The following NUP50 variants were observed in gnomAD, a reference collection of about 807,000 sequenced individuals.
The protein encoded by NUP50 is nucleoporin 50, also known as nuclear pore complex protein Nup50.
NUP50 carries 14 observed loss-of-function variants against 36.8 expected under a neutral mutation model. The observed-to-expected ratio is 0.38, with a 90% CI of 0.25 to 0.59. The LOEUF is 0.59. Among genes scored for constraint, NUP50 ranks in the 20% least tolerant of loss-of-function variants. The probability of loss-of-function intolerance (pLI) is 0.63; values close to 1 mark genes in which losing one functional copy is unlikely to be tolerated. For missense variants in NUP50, 455 were observed against 564.6 expected, an observed-to-expected ratio of 0.81 and a Z score of 1.97; for synonymous variants, 195 against 210.8, an observed-to-expected ratio of 0.93 and a Z score of 0.65.
At chr22:45,180,833 G>A (rs1381521408) in intron 5 of NUP50, among the ~76,000 whole-genome samples, 1 of 137,088 alleles carries the variant, frequency 7.3e-6, no homozygotes, top group Non-Finnish European at 1.5e-5. Flanking sequence ...CTGACAACTT[G>A]TCCCCTGTTA....
At chr22:45,173,457 G>A (rs1307590595) in intron 3 of NUP50, among the ~76,000 whole-genome samples, 3 of 151,920 alleles carry the variant, frequency 2.0e-5, no homozygotes, top group Admixed American at 6.6e-5. Context: ...AAGATACATG[G>A]GGGGAGGGAC....
intron 7 of NUP50, chr22:45,183,890 T>C (rs2074424273): frequency 8.7e-6 from 2 of 229,336 alleles, no homozygotes; most frequent in Non-Finnish European, 1.7e-5. Flanking sequence ...AAGAGTCCAC[T>C]GCAAGGATCC....
At chr22:45,170,052 T>C (rs1348738042) in intron 2 of NUP50, among the ~76,000 whole-genome samples, 1 of 152,170 alleles carries the variant, frequency 6.6e-6, no homozygotes, top group Non-Finnish European at 1.5e-5. Flanking sequence ...TAGAAGAAAA[T>C]GCTGACGTAC....
intron 4 of NUP50, among the ~76,000 whole-genome samples, chr22:45,177,159 G>C (rs2074289238): frequency 6.6e-6 from 1 of 152,144 alleles, no homozygotes; most frequent in African/African-American, 2.4e-5. Context: ...AAAAGTGAGT[G>C]TTCGTATCCA....
chr22:45,174,392 G>A (rs1816971064), intron 3 of NUP50, among the ~76,000 whole-genome samples: 1 of 152,052 alleles, frequency 6.6e-6, no homozygotes, highest in African/African-American at 2.4e-5. Context: ...GCCCAGGGTG[G>A]TTTCAAACTC....
At chr22:45,172,696 A>C (rs567933888) in intron 3 of NUP50, among the ~76,000 whole-genome samples, 1 of 152,224 alleles carries the variant, frequency 6.6e-6, no homozygotes, top group African/African-American at 2.4e-5. Context: ...TTACATTGCC[A>C]AAGTTTTGAT....
rs2147713249 is a variant in NUP50 at position 45,184,824 on chromosome 22, CAAG to C, written c.*172_*174del. Reference sequence around the variant, plus strand: ...AATAAAACCTTTAAATGTTAAGTGTCAAGAAACTGCACTCTCCCTTCTTAAGAA... The same window carrying C: ...AATAAAACCTTTAAATGTTAAGTGTCAAACTGCACTCTCCCTTCTTAAGAA... On this transcript the variant is annotated 3_prime_UTR_variant, in exon 8 of 8. Coordinates refer to ENST00000347635, the MANE Select transcript of NUP50 (RefSeq NM_007172.4). 6.4e-6 allele frequency: 4 copies of C among 621,296 alleles called. No individual in the cohort carries two copies. Among genetic ancestry groups the C allele is most frequent in the South Asian group, 2.0e-5 (1 of 49,592 alleles). 38.5% of individuals were successfully genotyped at this position (621,296 alleles called of 1,614,324 possible). A position where few individuals can be genotyped will look rare whatever the true frequency, so the allele number is the denominator to read the frequency against.
intron 2 of NUP50, 43 bp downstream of exon 2, chr22:45,168,289 C>T (rs1341202871): frequency 6.7e-7 from 1 of 1,498,318 alleles, no homozygotes; most frequent in Non-Finnish European, 9.2e-7. Context: ...GTTTCTTTTG[C>T]CTTTTACATT....
rs1345065674 is a variant in NUP50 at position 45,184,654 on chromosome 22, G to A, written c.1406G>A (p.Ter469=). 1.2e-6 allele frequency: 2 copies of A among 1,611,198 alleles called. No individual in the cohort carries two copies. Among genetic ancestry groups the A allele is most frequent in the African/African-American group, 2.7e-5 (2 of 74,838 alleles). ...ATTTTACTGGAGAAAAAGGATGCCTGAACACGCAAAGTCGGCTGCAGAATT... is the reference window on the plus strand; with the variant it reads ...ATTTTACTGGAGAAAAAGGATGCCTAAACACGCAAAGTCGGCTGCAGAATT... ...HKILLEKKDA[*] Residue 469 remains the stop codon, a stop_retained_variant, in exon 8 of 8, where the codon TGA becomes TAA. Coordinates refer to ENST00000347635, the MANE Select transcript of NUP50 (RefSeq NM_007172.4).
At chr22:45,172,393 G>T (rs1352801375) in intron 3 of NUP50, among the ~76,000 whole-genome samples, 2 of 151,946 alleles carry the variant, frequency 1.3e-5, no homozygotes, top group Admixed American at 1.3e-4. Context: ...TATATTCTTG[G>T]GTGTCTCTAA....
At chr22:45,184,384 A>T in intron 7 of NUP50, 69 bp from the exon 8 acceptor site, 1 of 1,342,316 alleles carries the variant, frequency 7.4e-7, no homozygotes. Flanking sequence ...AATGTTTAGC[A>T]TATTACAGAC....
At chr22:45,183,550 T>C (rs1367905021) in intron 7 of NUP50, 30 bp downstream of exon 7, 1 of 1,281,084 alleles carries the variant, frequency 7.8e-7, no homozygotes, top group South Asian at 1.2e-5. Flanking sequence ...TAGCACAAAA[T>C]CATCATCACA....
intron 1 of NUP50, among the ~76,000 whole-genome samples, chr22:45,165,554 C>G (rs2074082613): frequency 6.6e-6 from 1 of 152,124 alleles, no homozygotes; most frequent in Non-Finnish European, 1.5e-5. Flanking sequence ...AGGCCTTGTT[C>G]TGAATATTTT....
chr22:45,181,536 C>G (rs908454960), intron 6 of NUP50, among the ~76,000 whole-genome samples, 169 bp downstream of exon 6: 3 of 132,958 alleles, frequency 2.3e-5, no homozygotes, highest in African/African-American at 5.4e-5. Context: ...TTTAAAAATC[C>G]AGTTCTAGAA....
In NUP50 at chr22:45,185,598, G is replaced by A. The variant is rs1229763440; in HGVS notation, c.*943G>A. On this transcript the variant is annotated 3_prime_UTR_variant, in exon 8 of 8. Coordinates refer to ENST00000347635, the MANE Select transcript of NUP50 (RefSeq NM_007172.4). ...CACACGAGCCGTGTGAATTCACTAGGAAACATGTAATAAAGTCATGGAAGA... is the reference window on the plus strand; with the variant it reads ...CACACGAGCCGTGTGAATTCACTAGAAAACATGTAATAAAGTCATGGAAGA... The A allele has an allele frequency of 1.3e-5, 2 of 152,166 alleles. No homozygotes were observed. The highest frequency in any genetic ancestry group is 3.9e-4 in the East Asian group (2 of 5,194). 9.4% of individuals were successfully genotyped at this position (152,166 alleles called of 1,614,324 possible).
chr22:45,183,721 A>G (rs1432720923), intron 7 of NUP50: 4 of 499,986 alleles, frequency 8.0e-6, no homozygotes, highest in Middle Eastern at 5.3e-4. Context: ...CTGTAAACAA[A>G]ATGATTTTTC....
chr22:45,167,426 G>C (rs2074111598), intron 1 of NUP50, among the ~76,000 whole-genome samples: 3 of 152,306 alleles, frequency 2.0e-5, no homozygotes, highest in South Asian at 2.1e-4. Context: ...TCTTTGGTTA[G>C]GTGCCGGAAT....
chr22:45,168,029 C>T (rs978753990), intron 1 of NUP50, 139 bp from the exon 2 acceptor site: 47 of 649,702 alleles, frequency 7.2e-5, no homozygotes, highest in Non-Finnish European at 1.1e-4. Context: ...CTCATTAAAG[C>T]AGTTTCCAGA....
At chr22:45,178,962 C>A in intron 5 of NUP50, 62 bp downstream of exon 5, 1 of 1,484,434 alleles carries the variant, frequency 6.7e-7, no homozygotes, top group East Asian at 2.3e-5. Context: ...TTGGGAAACC[C>A]AGAGACTTTG....
Sources: gnomAD v4.1 joint callset for allele counts (sites outside exome capture counted in the v4.1 genomes callset) on GRCh38, gnomAD v4.1.1 for gene constraint, MANE v1.5 for transcripts, NCBI Gene and HGNC (gene_info 2026-07-23, HGNC 2026-07-21) for gene names.